Variants in KIAA0825 observed in about 807,000 individuals in gnomAD.
KIAA0825 encodes the protein KIAA0825, also known as uncharacterized protein KIAA0825.
A neutral mutation model predicts 147.6 loss-of-function variants in KIAA0825; 119 were observed. The observed-to-expected ratio is 0.81, with a 90% CI of 0.69 to 0.94. The LOEUF (loss-of-function observed/expected upper bound fraction) is 0.94, where lower values mean the gene tolerates loss of function less well. Among genes scored for constraint, KIAA0825 ranks in the 40% least tolerant of loss-of-function variants. KIAA0825 has a pLI of 0.00. For missense variants in KIAA0825, 1,381 were observed against 1,472.7 expected (o/e 0.94, Z 1.02); for synonymous variants, 470 against 518.1 (o/e 0.91, Z 1.26).
intron 15 of KIAA0825, among the ~76,000 whole-genome samples, chr5:94,406,955 T>C (rs548796764): frequency 6.6e-6 from 1 of 152,278 alleles, no homozygotes; most frequent in Admixed American, 6.5e-5. Context: ...ACTGAAAATG[T>C]CCTATCCCCA....
At chr5:94,397,297 A>G (rs1562457355) in intron 16 of KIAA0825, among the ~76,000 whole-genome samples, 1 of 152,164 alleles carries the variant, frequency 6.6e-6, no homozygotes, top group East Asian at 1.9e-4. Context: ...GTCCTATGCT[A>G]TTTCCACTTT....
At chr5:94,472,099 A>G (rs1253737812) in intron 8 of KIAA0825, among the ~76,000 whole-genome samples, 1 of 152,168 alleles carries the variant, frequency 6.6e-6, no homozygotes, top group African/African-American at 2.4e-5. Context: ...CGTTTGCATT[A>G]TTTTTTAAAC....
chr5:94,323,521 GT>G (rs1372323657), intron 20 of KIAA0825, among the ~76,000 whole-genome samples: 2 of 147,348 alleles, frequency 1.4e-5, no homozygotes, highest in Non-Finnish European at 1.5e-5. Context: ...CATCACTTTA[GT>G]GAGATTTACA....
intron 20 of KIAA0825, among the ~76,000 whole-genome samples, chr5:94,193,834 AT>A (rs1484284108): frequency 1.3e-5 from 2 of 152,194 alleles, no homozygotes; most frequent in Non-Finnish European, 2.9e-5. Flanking sequence ...CCTCCTGTTT[AT>A]TTTCTTGTCA....
intron 5 of KIAA0825, among the ~76,000 whole-genome samples, chr5:94,513,262 TA>T: frequency 6.6e-6 from 1 of 152,290 alleles, no homozygotes; most frequent in South Asian, 2.1e-4. Context: ...TTTAATCTTT[TA>T]AAAAGTTTTT....
intron 20 of KIAA0825, among the ~76,000 whole-genome samples, chr5:94,339,645 G>A (rs1782165720): frequency 6.6e-6 from 1 of 152,138 alleles, no homozygotes; most frequent in South Asian, 2.1e-4. Context: ...AGAAAGCACA[G>A]TTTCCAATTC....
chr5:94,466,205 T>G (rs954096334), intron 10 of KIAA0825, among the ~76,000 whole-genome samples: 1 of 152,218 alleles, frequency 6.6e-6, no homozygotes, highest in African/African-American at 2.4e-5. Context: ...GTATTTTCTT[T>G]ATGTATTACT....
At chr5:94,177,609 C>T (rs1769225177) in intron 20 of KIAA0825, among the ~76,000 whole-genome samples, 1 of 151,962 alleles carries the variant, frequency 6.6e-6, no homozygotes, top group Non-Finnish European at 1.5e-5. Context: ...AATCATAATG[C>T]AGGACTGTGG....
intron 20 of KIAA0825, among the ~76,000 whole-genome samples, chr5:94,296,610 C>T (rs1290897316): frequency 6.6e-6 from 1 of 152,106 alleles, no homozygotes; most frequent in Non-Finnish European, 1.5e-5. Flanking sequence ...CGGAGTGCAC[C>T]GTTCCTCATG....
Position 94,154,075 on chromosome 5 carries a change from G to A in KIAA0825, c.3760C>T (p.Leu1254=), listed in dbSNP as rs919551260. 9.0e-6 allele frequency: 14 copies of A among 1,551,518 alleles called. No individual in the cohort carries two copies. Among genetic ancestry groups the A allele is most frequent in the African/African-American group, 1.4e-5 (1 of 73,040 alleles). ...GTGCAAATTTGTTTTAAGTGCTCCA[G>A]TATTGCTTTTTCTTCCTCTTCTAGT... ...ETLEEEEKAI[L]EHLKQICTPQ... is the part of the protein sequence containing the mutation. The change falls in exon 21 of 21, where the codon CTG becomes TTG. Residue 1254 remains leucine (L), a synonymous_variant. Transcript: ENST00000682413.
intron 20 of KIAA0825, among the ~76,000 whole-genome samples, chr5:94,190,257 T>A (rs1770547482): frequency 6.6e-6 from 1 of 152,230 alleles, no homozygotes; most frequent in Non-Finnish European, 1.5e-5. Flanking sequence ...CTTATTCGCA[T>A]GCTTTCTGTT....
intron 13 of KIAA0825, among the ~76,000 whole-genome samples, chr5:94,441,003 G>A (rs1366924119): frequency 6.6e-6 from 1 of 152,100 alleles, no homozygotes; most frequent in Non-Finnish European, 1.5e-5. Context: ...CACAGGGAAG[G>A]GAAGGTGGAC....
intron 20 of KIAA0825, among the ~76,000 whole-genome samples, chr5:94,158,322 T>C (rs1767233266): frequency 6.6e-6 from 1 of 152,156 alleles, no homozygotes; most frequent in South Asian, 2.1e-4. Context: ...TATTTACTAT[T>C]TGGACTTTTT....
chr5:94,352,784 A>T (rs1180589443), intron 20 of KIAA0825, among the ~76,000 whole-genome samples: 1 of 152,236 alleles, frequency 6.6e-6, no homozygotes, highest in South Asian at 2.1e-4. Context: ...AGTGACCTGG[A>T]TGAGATTGGA....
intron 20 of KIAA0825, among the ~76,000 whole-genome samples, chr5:94,311,235 T>G (rs1779144423): frequency 6.6e-6 from 1 of 150,982 alleles, no homozygotes; most frequent in Non-Finnish European, 1.5e-5. Flanking sequence ...TGGATTTTTG[T>G]TTTTTGGGTT....
chr5:94,426,391 T>C (rs1018870809), intron 14 of KIAA0825, among the ~76,000 whole-genome samples: 5 of 152,082 alleles, frequency 3.3e-5, no homozygotes, highest in African/African-American at 1.2e-4. Flanking sequence ...AATAATAAAA[T>C]CACGTCATTG....
At chr5:94,235,895 A>G (rs921736297) in intron 20 of KIAA0825, among the ~76,000 whole-genome samples, 11 of 152,194 alleles carry the variant, frequency 7.2e-5, no homozygotes, top group Admixed American at 5.9e-4. Context: ...GGTTTACTGA[A>G]TATTTTAAAT....
intron 20 of KIAA0825, among the ~76,000 whole-genome samples, chr5:94,195,119 C>A (rs560373509): frequency 6.6e-6 from 1 of 152,318 alleles, no homozygotes; most frequent in African/African-American, 2.4e-5. Flanking sequence ...AATTAACAAT[C>A]TCTGTACTCC....
intron 20 of KIAA0825, among the ~76,000 whole-genome samples, chr5:94,300,291 A>G (rs1012797091): frequency 2.6e-5 from 4 of 152,110 alleles, no homozygotes; most frequent in African/African-American, 9.7e-5. Flanking sequence ...AGATCTAGTT[A>G]TTCATTTTTA....
Sources: gnomAD v4.1 joint callset for allele counts (sites outside exome capture counted in the v4.1 genomes callset) on GRCh38, gnomAD v4.1.1 for gene constraint, MANE v1.5 for transcripts, NCBI Gene and HGNC (gene_info 2026-07-23, HGNC 2026-07-21) for gene names.